Variants in CABCOCO1 observed in about 807,000 individuals in gnomAD.
The protein encoded by CABCOCO1 is ciliary associated calcium binding coiled-coil 1, also known as ciliary-associated calcium-binding coiled-coil protein 1.
In CABCOCO1, 28 loss-of-function variants were observed where a neutral mutation model predicts 35.7. The observed-to-expected ratio is 0.78, with a 90% confidence interval of 0.58 to 1.07. The LOEUF is 1.07. Among genes scored for constraint, CABCOCO1 ranks in the 50% least tolerant of loss-of-function variants. CABCOCO1 has a pLI of 0.00. For synonymous variants in CABCOCO1, 95 were observed against 100.1 expected (o/e 0.95, Z 0.30); for missense variants, 326 against 309.2 (o/e 1.05, Z -0.41).
intron 1 of CABCOCO1, among the ~76,000 whole-genome samples, chr10:61,667,014 G>C (rs12269688): frequency 8.6e-6 from 1 of 116,692 alleles, no homozygotes; most frequent in African/African-American, 3.4e-5. Flanking sequence ...ATTTCATATA[G>C]TATATATAAA....
chr10:61,750,446 G>A (rs1380285929), intron 5 of CABCOCO1, among the ~76,000 whole-genome samples: 1 of 152,030 alleles, frequency 6.6e-6, no homozygotes, highest in Non-Finnish European at 1.5e-5. Flanking sequence ...CGTGGTGGCG[G>A]GTACCTGTAA....
At chr10:61,736,863 C>T (rs1160897326) in intron 5 of CABCOCO1, among the ~76,000 whole-genome samples, 1 of 152,062 alleles carries the variant, frequency 6.6e-6, no homozygotes, top group Non-Finnish European at 1.5e-5. Context: ...TCACCTCCCT[C>T]ATTAGCTGTT....
chr10:61,704,095 G>A (rs901460529), intron 5 of CABCOCO1, among the ~76,000 whole-genome samples: 20 of 152,050 alleles, frequency 1.3e-4, no homozygotes, highest in African/African-American at 4.8e-4. Context: ...GTGGTGGCAG[G>A]CACCTGCAAT....
intron 1 of CABCOCO1, among the ~76,000 whole-genome samples, chr10:61,665,901 A>T (rs928389347): frequency 7.4e-5 from 11 of 148,264 alleles, no homozygotes; most frequent in African/African-American, 1.7e-4. Flanking sequence ...AAAAAAAAAA[A>T]ATATCTAGGG....
intron 3 of CABCOCO1, among the ~76,000 whole-genome samples, chr10:61,683,998 TATC>T (rs1278974010): frequency 6.6e-6 from 1 of 152,178 alleles, no homozygotes; most frequent in Non-Finnish European, 1.5e-5. Context: ...CTCTAATTAA[TATC>T]ATTTTATTAA....
At chr10:61,753,762 C>A (rs879842649) in intron 5 of CABCOCO1, among the ~76,000 whole-genome samples, 7 of 152,082 alleles carry the variant, frequency 4.6e-5, no homozygotes, top group Non-Finnish European at 8.8e-5. Flanking sequence ...ACATATCTAC[C>A]TCATTATGTC....
chr10:61,748,925 G>A (rs931033505), intron 5 of CABCOCO1, among the ~76,000 whole-genome samples: 4 of 152,048 alleles, frequency 2.6e-5, no homozygotes, highest in Non-Finnish European at 5.9e-5. Flanking sequence ...TCAGAGCCTC[G>A]GGATGGACAA....
At chr10:61,681,029 T>C in intron 2 of CABCOCO1, 114 bp from the exon 3 acceptor site, 2 of 553,598 alleles carry the variant, frequency 3.6e-6, no homozygotes, top group Non-Finnish European at 5.4e-6. Flanking sequence ...TTGATGTAAC[T>C]GAATATTTTC....
intron 5 of CABCOCO1, among the ~76,000 whole-genome samples, chr10:61,744,623 T>C (rs1373111830): frequency 2.0e-5 from 3 of 152,154 alleles, no homozygotes; most frequent in African/African-American, 7.2e-5. Flanking sequence ...GAAATAAAAC[T>C]AGTCTTCCAG....
intron 4 of CABCOCO1, among the ~76,000 whole-genome samples, chr10:61,688,884 A>G (rs954277591): frequency 6.6e-6 from 1 of 152,346 alleles, no homozygotes; most frequent in Non-Finnish European, 1.5e-5. Flanking sequence ...GTTCCCATGT[A>G]GCACCACCTA....
chr10:61,714,252 TC>T (rs2132033283), intron 5 of CABCOCO1, among the ~76,000 whole-genome samples: 1 of 152,318 alleles, frequency 6.6e-6, no homozygotes, highest in South Asian at 2.1e-4. Flanking sequence ...GGTCTATGTG[TC>T]CAGGAATATA....
intron 7 of CABCOCO1, among the ~76,000 whole-genome samples, chr10:61,761,401 C>A (rs1842006942): frequency 6.6e-6 from 1 of 152,072 alleles, no homozygotes; most frequent in Non-Finnish European, 1.5e-5. Flanking sequence ...GCTTTCAGAT[C>A]TTTGAACTGC....
rs1404281264 is a variant in CABCOCO1, at chr10:61,760,139, A to T, written c.633A>T (p.Ser211=). 15 of 1,612,102 alleles carry T rather than the reference A, an allele frequency of 9.3e-6. No individual in the cohort carries two copies. In the East Asian group the frequency reaches 3.3e-4, roughly 36 times the overall value. The change falls in exon 6 of 8, where the codon TCA becomes TCT. Residue 211 remains serine (S), a synonymous_variant. Transcript: ENST00000648843. ...LEEGISFDIY[S]TFIEPPTILD... ...AAGGAATCTCATTTGATATTTATTC[A>T]ACATTCATAGAGCCCCCCACAATAT...
chr10:61,715,677 T>C (rs1423728669), intron 5 of CABCOCO1, among the ~76,000 whole-genome samples: 1 of 152,232 alleles, frequency 6.6e-6, no homozygotes, highest in African/African-American at 2.4e-5. Context: ...TGTTTAGTGC[T>C]TCCTTCAGGA....
chr10:61,724,422 C>T (rs1344170159), intron 5 of CABCOCO1, among the ~76,000 whole-genome samples: 2 of 152,080 alleles, frequency 1.3e-5, no homozygotes, highest in African/African-American at 4.8e-5. Context: ...ATGGAAAAGA[C>T]CAACAGATCA....
At chr10:61,675,199 G>A (rs929378015) in intron 2 of CABCOCO1, among the ~76,000 whole-genome samples, 7 of 151,970 alleles carry the variant, frequency 4.6e-5, no homozygotes, top group South Asian at 2.1e-4. Flanking sequence ...TCATGCTACC[G>A]CCATAGCCAT....
intron 5 of CABCOCO1, among the ~76,000 whole-genome samples, chr10:61,730,646 TTAAC>T (rs910608170): frequency 7.4e-4 from 112 of 152,192 alleles, no homozygotes; most frequent in African/African-American, 2.5e-3. Context: ...AAAATTATTA[TTAAC>T]TGTTTATTAA....
chr10:61,749,979 T>TC (rs1191707862), intron 5 of CABCOCO1, among the ~76,000 whole-genome samples: 1 of 151,556 alleles, frequency 6.6e-6, no homozygotes, highest in African/African-American at 2.4e-5. Flanking sequence ...GCTTTTTTTT[T>TC]TTTTCATCAT....
chr10:61,736,298 A>G (rs1841414228), intron 5 of CABCOCO1, among the ~76,000 whole-genome samples: 1 of 152,144 alleles, frequency 6.6e-6, no homozygotes, highest in African/African-American at 2.4e-5. Context: ...TCTTCAATTC[A>G]TCTTGAGTTG....
Sources: gnomAD v4.1 joint callset for allele counts (sites outside exome capture counted in the v4.1 genomes callset) on GRCh38, gnomAD v4.1.1 for gene constraint, MANE v1.5 for transcripts, NCBI Gene and HGNC (gene_info 2026-07-23, HGNC 2026-07-21) for gene names.